The following RGS6 variants were observed in gnomAD, a reference collection of about 807,000 sequenced individuals.
RGS6 encodes the protein regulator of G-protein signaling 6.
A neutral mutation model predicts 78.5 loss-of-function variants in RGS6; 30 were observed. The ratio of observed to expected loss-of-function variants is 0.38; its 90% CI spans 0.29 to 0.52. The LOEUF (loss-of-function observed/expected upper bound fraction) is 0.52. Among genes scored for constraint, RGS6 ranks in the 20% least tolerant of loss-of-function variants. The probability of loss-of-function intolerance (pLI) is 0.85; values close to 1 mark genes in which losing one functional copy is unlikely to be tolerated. For synonymous variants in RGS6, 206 were observed against 206.0 expected, an observed-to-expected ratio of 1.00 and a Z score of 0.00; for missense variants, 495 against 609.7, an observed-to-expected ratio of 0.81 and a Z score of 1.98.
chr14:72,103,580 G>A (rs539362428), intron 2 of RGS6, among the ~76,000 whole-genome samples: 3 of 152,192 alleles, frequency 2.0e-5, no homozygotes, highest in African/African-American at 7.2e-5. Context: ...CATAATGGCA[G>A]GAAAGAAAAC....
chr14:71,938,793 G>A (rs1342653000), intron 1 of RGS6, among the ~76,000 whole-genome samples: 1 of 152,182 alleles, frequency 6.6e-6, no homozygotes, highest in Non-Finnish European at 1.5e-5. Context: ...ATGGTGACTT[G>A]ATGACCCAGT....
intron 2 of RGS6, among the ~76,000 whole-genome samples, chr14:72,008,748 C>T (rs2085080653): frequency 6.6e-6 from 1 of 152,190 alleles, no homozygotes; most frequent in Non-Finnish European, 1.5e-5. Context: ...ATGTGACCCT[C>T]TAGTTCCAAT....
chr14:72,508,221 T>A (rs1268884970), intron 13 of RGS6, among the ~76,000 whole-genome samples: 1 of 152,216 alleles, frequency 6.6e-6, no homozygotes, highest in Non-Finnish European at 1.5e-5. Flanking sequence ...TTGGTCATCA[T>A]CATTGTAATT....
At chr14:71,901,343 G>A in the RGS6 span, among the ~76,000 whole-genome samples, 3 of 152,062 alleles carry the variant, frequency 2.0e-5, no homozygotes, top group Admixed American at 6.6e-5. Context: ...CAATTACTTG[G>A]TTTCTCTTAG....
chr14:72,019,600 C>T (rs1390425171), intron 2 of RGS6, among the ~76,000 whole-genome samples: 1 of 74,262 alleles, frequency 1.3e-5, no homozygotes, highest in Non-Finnish European at 2.5e-5. Context: ...CTCAGGTTTA[C>T]TAAGACATGT....
chr14:72,072,645 G>C (rs1043951879), intron 2 of RGS6, among the ~76,000 whole-genome samples: 2 of 152,142 alleles, frequency 1.3e-5, no homozygotes, highest in Admixed American at 1.3e-4. Flanking sequence ...GAGCACTTAG[G>C]GGAAGCAGAA....
At chr14:72,075,169 T>C (rs2094533800) in intron 2 of RGS6, among the ~76,000 whole-genome samples, 1 of 152,234 alleles carries the variant, frequency 6.6e-6, no homozygotes. Flanking sequence ...GTCTGATTTC[T>C]CCAATTAGGC....
chr14:72,146,543 T>C (rs910762572), intron 2 of RGS6, among the ~76,000 whole-genome samples: 2 of 152,084 alleles, frequency 1.3e-5, no homozygotes, highest in Non-Finnish European at 2.9e-5. Flanking sequence ...AATTAAACAA[T>C]TTATCTATTT....
intron 1 of RGS6, among the ~76,000 whole-genome samples, chr14:71,938,455 C>T (rs1427565176): frequency 1.3e-5 from 2 of 152,136 alleles, no homozygotes; most frequent in Non-Finnish European, 2.9e-5. Context: ...TGTAGTGCTG[C>T]AGCTGTCCAC....
chr14:72,569,173 C>G (rs1162988965), downstream of RGS6, among the ~76,000 whole-genome samples: 1 of 151,246 alleles, frequency 6.6e-6, no homozygotes, highest in African/African-American at 2.4e-5. Flanking sequence ...TATAATTTAC[C>G]TACATTAAAA....
At chr14:72,190,770 G>A (rs1169255720) in intron 2 of RGS6, among the ~76,000 whole-genome samples, 1 of 152,218 alleles carries the variant, frequency 6.6e-6, no homozygotes, top group Admixed American at 6.5e-5. Flanking sequence ...ACAACAGGTT[G>A]TGCAGCCCAC....
At chr14:72,175,168 T>A (rs140643969) in intron 2 of RGS6, among the ~76,000 whole-genome samples, 1 of 152,200 alleles carries the variant, frequency 6.6e-6, no homozygotes, top group Admixed American at 6.5e-5. Context: ...CGAGAGTCTT[T>A]CCTCCAAAAA....
At chr14:71,949,780 ATT>A (rs3053024) in intron 1 of RGS6, among the ~76,000 whole-genome samples, 22 of 128,864 alleles carry the variant, frequency 1.7e-4, no homozygotes, top group Admixed American at 3.1e-4. Context: ...TAGAAGCTCT[ATT>A]TTTTTTTTTT....
intron 2 of RGS6, among the ~76,000 whole-genome samples, chr14:72,187,114 T>A (rs1490656609): frequency 6.6e-6 from 1 of 152,172 alleles, no homozygotes; most frequent in African/African-American, 2.4e-5. Flanking sequence ...TGTAAAGCCA[T>A]TATTGTTGGT....
intron 13 of RGS6, among the ~76,000 whole-genome samples, chr14:72,503,101 T>A (rs1213282477): frequency 1.3e-5 from 2 of 152,120 alleles, no homozygotes; most frequent in Non-Finnish European, 2.9e-5. Context: ...GAGGGCCTCC[T>A]TCCTGGTTCA....
intron 1 of RGS6, among the ~76,000 whole-genome samples, chr14:71,964,430 C>T (rs1051772455): frequency 2.0e-5 from 3 of 152,000 alleles, no homozygotes; most frequent in Admixed American, 6.6e-5. Context: ...CACTTAAACC[C>T]GGGAGGCGGA....
chr14:72,013,305 C>T (rs916214788), intron 2 of RGS6, among the ~76,000 whole-genome samples: 1 of 146,670 alleles, frequency 6.8e-6, no homozygotes, highest in African/African-American at 2.5e-5. Flanking sequence ...CAACAACAAC[C>T]ATAAAATAAA....
intron 2 of RGS6, among the ~76,000 whole-genome samples, chr14:72,333,678 A>C (rs1332221803): frequency 3.9e-5 from 6 of 152,182 alleles, no homozygotes; most frequent in Non-Finnish European, 8.8e-5. Context: ...TCTGGGCCCC[A>C]CTACAGCACC....
Position 72,466,349 on chromosome 14 carries a change from A to T in RGS6, c.459+527A>T, listed in dbSNP as rs560565101. 3.9e-5 allele frequency among the ~76,000 whole-genome samples: 6 copies of T among 152,336 alleles called. No individual in the cohort carries two copies. The East Asian group carries it at 1.2e-3, about 29-fold the overall frequency. On this transcript the variant is annotated intron_variant, in intron 7 of 17. Coordinates refer to ENST00000553525, the MANE Select transcript of RGS6 (RefSeq NM_001204424.2). ...CAGTTTCTTATAAAGTTAAACATAC[A>T]CTTACCATATAACCAAGCAATCCCA...
Sources: gnomAD v4.1 joint callset for allele counts (sites outside exome capture counted in the v4.1 genomes callset) on GRCh38, gnomAD v4.1.1 for gene constraint, MANE v1.5 for transcripts, NCBI Gene and HGNC (gene_info 2026-07-23, HGNC 2026-07-21) for gene names.